ABTB3: variants seen among roughly 807,000 people sequenced by gnomAD.
The protein encoded by ABTB3 is ankyrin repeat- and BTB/POZ domain-containing protein 3.
the ABTB3 span, among the ~76,000 whole-genome samples, chr12:107,566,803 A>C: frequency 6.6e-6 from 1 of 152,186 alleles, no homozygotes; most frequent in African/African-American, 2.4e-5. Context: ...AGCTTTAAAA[A>C]ACAATCTATA....
chr12:107,466,100 G>A, the ABTB3 span, among the ~76,000 whole-genome samples: 6 of 152,130 alleles, frequency 3.9e-5, no homozygotes, highest in African/African-American at 7.2e-5. Context: ...TAATATCCTC[G>A]GGGGTGGATG....
chr12:107,642,298 T>C, the ABTB3 span: 1 of 758,368 alleles, frequency 1.3e-6, no homozygotes, highest in Non-Finnish European at 2.2e-6. Context: ...TCTCCTGAAC[T>C]CCCGGCCCCT....
the ABTB3 span, among the ~76,000 whole-genome samples, chr12:107,468,131 A>T: frequency 6.6e-6 from 1 of 152,174 alleles, no homozygotes; most frequent in South Asian, 2.1e-4. Flanking sequence ...AGCTGAGGTC[A>T]GCTGAATTAA....
the ABTB3 span, among the ~76,000 whole-genome samples, chr12:107,624,660 G>A: frequency 6.6e-6 from 1 of 152,192 alleles, no homozygotes; most frequent in East Asian, 1.9e-4. Context: ...GCATGTATCC[G>A]CAGCTTGTTC....
chr12:107,399,136 C>T, the ABTB3 span, among the ~76,000 whole-genome samples: 3 of 152,138 alleles, frequency 2.0e-5, no homozygotes, highest in Admixed American at 2.0e-4. Context: ...CTTTGAACAC[C>T]AGAGGAAGTA....
At chr12:107,565,985 T>C in the ABTB3 span, among the ~76,000 whole-genome samples, 1 of 152,218 alleles carries the variant, frequency 6.6e-6, no homozygotes, top group African/African-American at 2.4e-5. Context: ...ACAAGCTTCC[T>C]TCCTGGTTTC....
chr12:107,448,286 T>C, the ABTB3 span, among the ~76,000 whole-genome samples: 6 of 152,216 alleles, frequency 3.9e-5, no homozygotes, highest in African/African-American at 1.2e-4. Context: ...TGTGTAATTA[T>C]GGTGGGTACT....
chr12:107,575,155 C>T, the ABTB3 span, among the ~76,000 whole-genome samples: 3 of 152,194 alleles, frequency 2.0e-5, no homozygotes, highest in African/African-American at 7.2e-5. Flanking sequence ...AAGAAACACT[C>T]AACAAATAAC....
the ABTB3 span, among the ~76,000 whole-genome samples, chr12:107,362,055 C>A: frequency 6.6e-6 from 1 of 152,196 alleles, no homozygotes; most frequent in Non-Finnish European, 1.5e-5. Flanking sequence ...TGGACTATCC[C>A]AGCCTCCAGA....
the ABTB3 span, among the ~76,000 whole-genome samples, chr12:107,528,561 G>A: frequency 9.8e-5 from 15 of 152,320 alleles, no homozygotes; most frequent in Non-Finnish European, 1.6e-4. Flanking sequence ...ACTCTGTTCA[G>A]TTAGTGACTA....
chr12:107,628,168 T>C, the ABTB3 span, among the ~76,000 whole-genome samples: 2 of 152,238 alleles, frequency 1.3e-5, no homozygotes, highest in Non-Finnish European at 2.9e-5. Flanking sequence ...GAGATGGACT[T>C]TCACTCTTGT....
chr12:107,487,805 T>TGG, the ABTB3 span, among the ~76,000 whole-genome samples: 1 of 152,004 alleles, frequency 6.6e-6, no homozygotes, highest in Non-Finnish European at 1.5e-5. Flanking sequence ...GGAAGGACAC[T>TGG]GGAAAAAAAG....
chr12:107,464,949 TAC>T, the ABTB3 span, among the ~76,000 whole-genome samples: 53,539 of 145,896 alleles, frequency 0.37, 9,867 homozygotes, highest in African/African-American at 0.48. Flanking sequence ...CTCCCTACCT[TAC>T]ACACACACAC....
the ABTB3 span, chr12:107,617,473 G>A: frequency 6.2e-7 from 1 of 1,608,318 alleles, no homozygotes. Context: ...GGTCCCGAGT[G>A]GTGTTTGTTA....
chr12:107,382,388 T>G, the ABTB3 span, among the ~76,000 whole-genome samples: 1 of 152,212 alleles, frequency 6.6e-6, no homozygotes, highest in East Asian at 1.9e-4. Flanking sequence ...TGGTGGGATT[T>G]GGCTCCTTTT....
the ABTB3 span, among the ~76,000 whole-genome samples, chr12:107,388,007 C>T: frequency 7.1e-6 from 1 of 140,194 alleles, no homozygotes. Context: ...GAGTCTCGCT[C>T]TGTTGCCCAG....
chr12:107,616,085 C>A, the ABTB3 span, among the ~76,000 whole-genome samples: 4 of 152,140 alleles, frequency 2.6e-5, no homozygotes, highest in Non-Finnish European at 5.9e-5. Context: ...ACATGTCACA[C>A]TGAGAGCTGG....
chr12:107,642,937 C>A, the ABTB3 span, among the ~76,000 whole-genome samples: 8 of 152,180 alleles, frequency 5.3e-5, no homozygotes, highest in Non-Finnish European at 1.5e-5. Context: ...TTCATAAATC[C>A]TGCTCTGCAA....
At chr12:107,399,644 C>G in the ABTB3 span, among the ~76,000 whole-genome samples, 1 of 152,220 alleles carries the variant, frequency 6.6e-6, no homozygotes, top group Non-Finnish European at 1.5e-5. Context: ...GTGTCCAGCA[C>G]TGGCCCACAT....
Sources: gnomAD v4.1 joint callset for allele counts (sites outside exome capture counted in the v4.1 genomes callset) on GRCh38, gnomAD v4.1.1 for gene constraint, MANE v1.5 for transcripts, NCBI Gene and HGNC (gene_info 2026-07-23, HGNC 2026-07-21) for gene names.